Variants in CSMD1 observed in about 807,000 individuals in gnomAD.
CSMD1 encodes CUB and sushi domain-containing protein 1.
CSMD1 carries 213 observed loss-of-function variants against 417.5 expected under a neutral mutation model. That is an observed-to-expected ratio of 0.51 (90% confidence interval 0.46 to 0.57). The LOEUF (loss-of-function observed/expected upper bound fraction) is 0.57, where lower values mean the gene tolerates loss of function less well. Among genes scored for constraint, CSMD1 ranks in the 20% least tolerant of loss-of-function variants. The probability of loss-of-function intolerance (pLI) is 0.00; values close to 1 mark genes in which losing one functional copy is unlikely to be tolerated. For missense variants in CSMD1, 6,923 were observed against 4,529.7 expected (o/e 1.53, Z -15.17); for synonymous variants, 2,862 against 1,736.8 (o/e 1.65, Z -16.11).
At chr8:3,268,289 ATTTTTTTT>A (rs1163842745) in intron 26 of CSMD1, among the ~76,000 whole-genome samples, 283 of 84,310 alleles carry the variant, frequency 3.4e-3, no homozygotes, top group African/African-American at 0.011. Flanking sequence ...TTCATTTCCT[ATTTTTTTT>A]TTTTTTTTTT....
chr8:4,464,414 G>C (rs899145598), intron 2 of CSMD1, among the ~76,000 whole-genome samples: 2 of 152,142 alleles, frequency 1.3e-5, no homozygotes, highest in Non-Finnish European at 2.9e-5. Flanking sequence ...TTGTAGCTTA[G>C]CCTTGCCTAC....
At chr8:4,183,605 T>A (rs548986628) in intron 3 of CSMD1, among the ~76,000 whole-genome samples, 112 of 152,350 alleles carry the variant, frequency 7.4e-4, no homozygotes, top group African/African-American at 2.4e-3. Flanking sequence ...ATTTTGAACT[T>A]TTTTAAAATG....
intron 25 of CSMD1, among the ~76,000 whole-genome samples, chr8:3,289,142 C>G (rs1420688102): frequency 6.8e-6 from 1 of 147,514 alleles, no homozygotes; most frequent in Non-Finnish European, 1.5e-5. Flanking sequence ...CATGTCCCTA[C>G]AAAGCACATG....
chr8:3,832,513 A>G (rs995224253), intron 5 of CSMD1, among the ~76,000 whole-genome samples: 10 of 152,138 alleles, frequency 6.6e-5, no homozygotes, highest in Non-Finnish European at 1.5e-4. Flanking sequence ...GCATAGCATC[A>G]CTTATTTTAA....
chr8:4,428,308 C>A (rs920767280), intron 2 of CSMD1, among the ~76,000 whole-genome samples: 5 of 152,204 alleles, frequency 3.3e-5, no homozygotes, highest in African/African-American at 9.6e-5. Flanking sequence ...TACTTCACAT[C>A]TAACGAGTCC....
intron 3 of CSMD1, among the ~76,000 whole-genome samples, chr8:4,152,632 A>G (rs1231915828): frequency 1.3e-5 from 2 of 152,140 alleles, no homozygotes; most frequent in South Asian, 2.1e-4. Flanking sequence ...CAAGGCTGCA[A>G]TGAGTCACGA....
At chr8:3,306,355 G>T (rs962537626) in intron 25 of CSMD1, among the ~76,000 whole-genome samples, 2 of 152,284 alleles carry the variant, frequency 1.3e-5, no homozygotes, top group Middle Eastern at 3.4e-3. Flanking sequence ...TGTATTTTTA[G>T]TGGTGATGGA....
chr8:3,435,245 C>G (rs748839967), intron 12 of CSMD1, among the ~76,000 whole-genome samples: 39 of 152,172 alleles, frequency 2.6e-4, no homozygotes, highest in Non-Finnish European at 4.6e-4. Flanking sequence ...AAAATAGTAT[C>G]CCTGACAGTT....
chr8:3,501,667 A>T (rs1009724004), intron 10 of CSMD1, among the ~76,000 whole-genome samples: 7 of 152,244 alleles, frequency 4.6e-5, no homozygotes, highest in African/African-American at 1.7e-4. Flanking sequence ...ATCAGAAGAA[A>T]GGCCTTTCAA....
At chr8:4,435,829 G>C (rs1014348469) in intron 2 of CSMD1, among the ~76,000 whole-genome samples, 2 of 152,186 alleles carry the variant, frequency 1.3e-5, no homozygotes, top group East Asian at 1.9e-4. Context: ...TCAGGGCAGG[G>C]TGTGTGACTC....
chr8:4,799,256 C>T (rs1002688262), intron 1 of CSMD1, among the ~76,000 whole-genome samples: 1 of 152,068 alleles, frequency 6.6e-6, no homozygotes, highest in African/African-American at 2.4e-5. Flanking sequence ...CGATGTAGCT[C>T]ACCAGTTCAT....
At chr8:4,464,543 G>A (rs1279000749) in intron 2 of CSMD1, among the ~76,000 whole-genome samples, 1 of 152,092 alleles carries the variant, frequency 6.6e-6, no homozygotes, top group Non-Finnish European at 1.5e-5. Flanking sequence ...TGAACTAAAA[G>A]TGAAAAGCAG....
intron 12 of CSMD1, among the ~76,000 whole-genome samples, chr8:3,449,724 G>C (rs949502898): frequency 1.3e-5 from 2 of 151,992 alleles, no homozygotes; most frequent in South Asian, 2.1e-4. Context: ...CACCATGTTG[G>C]TCAGGCCTGT....
chr8:3,583,462 G>A (rs566367341), intron 9 of CSMD1, among the ~76,000 whole-genome samples: 2 of 152,160 alleles, frequency 1.3e-5, no homozygotes, highest in African/African-American at 2.4e-5. Flanking sequence ...GAAACCGAAA[G>A]AGGTGGCAGA....
chr8:4,722,540 G>C (rs1314052858), intron 1 of CSMD1, among the ~76,000 whole-genome samples: 3 of 151,968 alleles, frequency 2.0e-5, no homozygotes, highest in Non-Finnish European at 4.4e-5. Context: ...CTCTGAATGG[G>C]GTAGAACTTT....
chr8:4,862,159 G>T (rs973216289), intron 1 of CSMD1, among the ~76,000 whole-genome samples: 2 of 151,982 alleles, frequency 1.3e-5, no homozygotes, highest in African/African-American at 4.8e-5. Context: ...GAGTGAACGG[G>T]AGCTGAGGTG....
rs115917244 is a variant in CSMD1, at chr8:3,866,614, C to T, written c.819-112572G>A. On this transcript the variant is annotated intron_variant, in intron 5 of 69. Transcript: ENST00000635120. Reference sequence around the variant, plus strand: ...ACCTTATAGTCTCTTCTTTCCATCCCTCAAACCCAAAGTCACTATTTGGAA... The same window carrying T: ...ACCTTATAGTCTCTTCTTTCCATCCTTCAAACCCAAAGTCACTATTTGGAA... Among the ~76,000 whole-genome samples, 240 of 151,884 alleles carry T rather than the reference C, an allele frequency of 1.6e-3. 1 individual carries two copies. Among genetic ancestry groups the T allele is most frequent in the African/African-American group, 5.3e-3 (218 of 41,490 alleles).
intron 33 of CSMD1, among the ~76,000 whole-genome samples, chr8:3,197,221 G>C (rs1456572250): frequency 6.6e-6 from 1 of 150,534 alleles, no homozygotes; most frequent in African/African-American, 2.5e-5. Context: ...ACCATGATCT[G>C]TGCATGTCTG....
At chr8:4,184,036 T>C (rs1235951605) in intron 3 of CSMD1, among the ~76,000 whole-genome samples, 1 of 152,210 alleles carries the variant, frequency 6.6e-6, no homozygotes, top group Admixed American at 6.5e-5. Flanking sequence ...CTGATAATGA[T>C]GGCAAATTCT....
Sources: allele counts gnomAD v4.1 joint callset (sites outside exome capture counted in the v4.1 genomes callset), GRCh38; gene constraint gnomAD v4.1.1; transcripts MANE v1.5; gene names NCBI Gene and HGNC (gene_info 2026-07-23, HGNC 2026-07-21).